MMD2: variants seen among roughly 807,000 people sequenced by gnomAD.
MMD2 encodes monocyte to macrophage differentiation factor 2.
In MMD2, 30 loss-of-function variants were observed where a neutral mutation model predicts 33.5. The observed-to-expected ratio is 0.90, with a 90% CI of 0.67 to 1.22. The LOEUF (loss-of-function observed/expected upper bound fraction) is 1.22. Ranked by LOEUF, MMD2 falls within the 50% of genes most tolerant of loss-of-function variation. MMD2 has a pLI of 0.00. For synonymous variants in MMD2, 129 were observed against 123.0 expected, an observed-to-expected ratio of 1.05 and a Z score of -0.32; for missense variants, 364 against 325.4, an observed-to-expected ratio of 1.12 and a Z score of -0.91.
rs751639082 is a variant in MMD2, at chr7:4,911,169, A to G, written c.443T>C (p.Ile148Thr). The change falls in exon 5 of 7, where the codon ATC becomes ACC. Residue 148 changes from isoleucine (I) to threonine (T), a missense_variant. Ile to Thr is a moderately conservative substitution (Grantham distance 89, BLOSUM62 -1). Coordinates refer to ENST00000401401, the MANE Select transcript of MMD2 (RefSeq NM_198403.4). ...CCGCTCATGGAAGAAGAAGACATAG[A>G]TGGTGCCCACGGAAGCCATAATCCA... ...LVWIMASVGT[I>T]YVFFFHERYK... 1.9e-6 allele frequency: 3 copies of G among 1,593,264 alleles called. No homozygotes were observed. Among genetic ancestry groups the G allele is most frequent in the Non-Finnish European group, 2.6e-6 (3 of 1,170,834 alleles).
At chr7:4,928,306 C>A (rs989660804) in intron 1 of MMD2, among the ~76,000 whole-genome samples, 4 of 152,166 alleles carry the variant, frequency 2.6e-5, no homozygotes, top group Non-Finnish European at 4.4e-5. Context: ...TTTCTGTATG[C>A]TGGCGTCATA....
intron 2 of MMD2, among the ~76,000 whole-genome samples, chr7:4,921,774 G>A (rs1478643340): frequency 1.3e-5 from 2 of 152,100 alleles, no homozygotes; most frequent in Non-Finnish European, 2.9e-5. Context: ...ACCCAGGCTG[G>A]GCGCCGGATG....
chr7:4,939,221 A>G (rs1785834582), intron 1 of MMD2, among the ~76,000 whole-genome samples: 1 of 147,512 alleles, frequency 6.8e-6, no homozygotes, highest in Admixed American at 6.8e-5. Context: ...CCCAAAAAAA[A>G]CAAAGTTGAG....
rs1785140930 is a variant in MMD2, at chr7:4,916,288, G to GGCT, written c.291-212_291-210dup. ...AAACCAGGCTCCTTATCACCCTAGG[G>GGCT]GCTGCATGGAGACACCTTGCCTCGG... is the stretch of plus-strand genomic sequence containing the variant. On this transcript the variant is annotated intron_variant, in intron 3 of 6. Transcript: ENST00000401401. Among the ~76,000 whole-genome samples, 3 of 151,946 alleles carry GGCT rather than the reference G, an allele frequency of 2.0e-5. No homozygotes were observed. In the South Asian group the frequency reaches 6.3e-4, roughly 32 times the overall value.
chr7:4,900,651 T>C, the MMD2 span, among the ~76,000 whole-genome samples: 1 of 152,068 alleles, frequency 6.6e-6, no homozygotes, highest in Non-Finnish European at 1.5e-5. Flanking sequence ...TGGAGCAACA[T>C]GAGACGGGAT....
intron 1 of MMD2, among the ~76,000 whole-genome samples, chr7:4,941,011 C>T (rs1042822693): frequency 3.3e-5 from 5 of 152,082 alleles, no homozygotes; most frequent in African/African-American, 1.2e-4. Flanking sequence ...CAGGAGGCTC[C>T]CAGATGCTAT....
chr7:4,935,713 A>G (rs918091416), intron 1 of MMD2, among the ~76,000 whole-genome samples: 1 of 150,328 alleles, frequency 6.7e-6, no homozygotes, highest in Non-Finnish European at 1.5e-5. Context: ...AAAATTGTAT[A>G]CGTTGATGGT....
the MMD2 span, among the ~76,000 whole-genome samples, chr7:4,898,923 G>GAGGA: frequency 9.2e-4 from 140 of 151,692 alleles, no homozygotes; most frequent in Non-Finnish European, 1.7e-3. Context: ...AAGAGAGACA[G>GAGGA]AGGAAGGAAG....
At chr7:4,913,207 G>C (rs189879400) in intron 4 of MMD2, among the ~76,000 whole-genome samples, 1 of 152,194 alleles carries the variant, frequency 6.6e-6, no homozygotes, top group East Asian at 1.9e-4. Context: ...TAGGTCACTG[G>C]GTAGAAGGAT....
At chr7:4,928,705 G>A (rs1222155756) in intron 1 of MMD2, among the ~76,000 whole-genome samples, 4 of 150,990 alleles carry the variant, frequency 2.6e-5, no homozygotes, top group African/African-American at 9.8e-5. Flanking sequence ...TGCAGCTCAT[G>A]GAGCATTTAT....
chr7:4,904,297 C>T (rs367634580), downstream of MMD2, among the ~76,000 whole-genome samples: 29 of 152,294 alleles, frequency 1.9e-4, no homozygotes, highest in East Asian at 1.5e-3. Flanking sequence ...CCTTGCCCAC[C>T]GGAGAGAATG....
At chr7:4,949,558 C>T (rs1254732539) in intron 1 of MMD2, among the ~76,000 whole-genome samples, 1 of 151,882 alleles carries the variant, frequency 6.6e-6, no homozygotes, top group Non-Finnish European at 1.5e-5. Context: ...TCTTGCCACG[C>T]TGGAGTGCAA....
intron 2 of MMD2, among the ~76,000 whole-genome samples, chr7:4,924,155 G>A (rs986144987): frequency 2.0e-5 from 3 of 152,130 alleles, no homozygotes; most frequent in Non-Finnish European, 4.4e-5. Flanking sequence ...TCGCACCACT[G>A]CACTCCAGCC....
chr7:4,911,513 T>A (rs188073080), intron 4 of MMD2, among the ~76,000 whole-genome samples: 2 of 152,348 alleles, frequency 1.3e-5, no homozygotes, highest in Non-Finnish European at 2.9e-5. Context: ...ACTGGTGGGA[T>A]TATGAACAAG....
At chr7:4,955,053 G>C (rs1262989256) in intron 1 of MMD2, among the ~76,000 whole-genome samples, 1 of 152,158 alleles carries the variant, frequency 6.6e-6, no homozygotes, top group South Asian at 2.1e-4. Context: ...ATGGGATCTT[G>C]CTATGTTGCC....
intron 1 of MMD2, among the ~76,000 whole-genome samples, chr7:4,928,123 G>T (rs1785481524): frequency 1.3e-5 from 2 of 152,168 alleles, no homozygotes; most frequent in African/African-American, 4.8e-5. Context: ...AGCTCACCTG[G>T]ACGTTGCCAA....
At chr7:4,955,565 C>T (rs911786212) in intron 1 of MMD2, among the ~76,000 whole-genome samples, 1 of 152,046 alleles carries the variant, frequency 6.6e-6, no homozygotes, top group East Asian at 1.9e-4. Flanking sequence ...TAGATGAAGA[C>T]TTGTGGGGAA....
At chr7:4,941,715 T>C (rs1785916962) in intron 1 of MMD2, among the ~76,000 whole-genome samples, 1 of 151,760 alleles carries the variant, frequency 6.6e-6, no homozygotes, top group African/African-American at 2.4e-5. Flanking sequence ...TAAACTGCTG[T>C]TTTAGGTTCA....
At chr7:4,910,161 C>G in intron 5 of MMD2, 1 of 1,031,318 alleles carries the variant, frequency 9.7e-7, no homozygotes, top group Non-Finnish European at 1.4e-6. Context: ...CTTTCCCTCC[C>G]TGAGACTCAC....
Sources: allele counts gnomAD v4.1 joint callset (sites outside exome capture counted in the v4.1 genomes callset), GRCh38; gene constraint gnomAD v4.1.1; transcripts MANE v1.5; gene names NCBI Gene and HGNC (gene_info 2026-07-23, HGNC 2026-07-21).